The following LEMD1 variants were observed in gnomAD, a reference collection of about 807,000 sequenced individuals.
The protein encoded by LEMD1 is LEM domain-containing protein 1.
Under a neutral mutation model 17.4 loss-of-function variants are expected in LEMD1, and 18 were observed. That is an observed-to-expected ratio of 1.04 (90% CI 0.72 to 1.54). The LOEUF is 1.54. LEMD1 is among the 40% of genes most tolerant of loss of function. The pLI is 0.00. For synonymous variants in LEMD1, 88 were observed against 77.8 expected (o/e 1.13, Z -0.69); for missense variants, 195 against 210.4 (o/e 0.93, Z 0.45).
intron 4 of LEMD1, among the ~76,000 whole-genome samples, chr1:205,391,924 G>T (rs534879520): frequency 6.7e-6 from 1 of 149,460 alleles, no homozygotes; most frequent in African/African-American, 2.5e-5. Flanking sequence ...CCTGGCCAAC[G>T]TGGTGAAACC....
chr1:205,429,162 C>T (rs1666094561), intron 1 of LEMD1, among the ~76,000 whole-genome samples: 2 of 152,232 alleles, frequency 1.3e-5, no homozygotes, highest in African/African-American at 2.4e-5. Flanking sequence ...AACCCACCTC[C>T]ATCTCCAATG....
Position 205,405,521 on chromosome 1 carries a change from A to G in LEMD1, c.270+10711T>C, listed in dbSNP as rs9729427. 2.3e-5 allele frequency among the ~76,000 whole-genome samples: 3 copies of G among 128,596 alleles called. 1 individual carries two copies. The highest frequency in any genetic ancestry group is 9.3e-5 in the African/African-American group (3 of 32,358). The allele number at this position is 128,596 out of a possible 152,430, so 84.4% of individuals were successfully genotyped here. Reference sequence around the variant, plus strand: ...GCTCCTGAGGCTTCTGCATTCTTCAAGTAGTTCTTGAGCCTTGGCTTTCAG... The same window carrying G: ...GCTCCTGAGGCTTCTGCATTCTTCAGGTAGTTCTTGAGCCTTGGCTTTCAG... On this transcript the variant is annotated intron_variant, in intron 4 of 5. Coordinates refer to ENST00000367153, the MANE Select transcript of LEMD1 (RefSeq NM_001199050.2).
Position 205,381,789 on chromosome 1 carries a change from C to T in LEMD1, c.415G>A (p.Ala139Thr), listed in dbSNP as rs561732805. ...CAGCTCTCGATAGTCTGGTCTTCCG[C>T]GCAGTAGTCTCTCTCTTTGGTGATA... Reference protein sequence around the residue: ...GTITKERDYCAEDQTIESWRE... With the variant: ...GTITKERDYCTEDQTIESWRE... Residue 139 changes from alanine (A) to threonine (T), a missense_variant, in exon 6 of 6, where the codon GCG becomes ACG. Ala to Thr is a moderately conservative substitution (Grantham distance 58). Coordinates refer to ENST00000367153, the MANE Select transcript of LEMD1 (RefSeq NM_001199050.2). The T allele has an allele frequency of 4.1e-5, 66 of 1,614,164 alleles. 2 individuals are homozygous for T. The South Asian group carries it at 5.6e-4, about 14-fold the overall frequency.
intron 4 of LEMD1, among the ~76,000 whole-genome samples, chr1:205,392,752 T>G (rs1664402162): frequency 6.6e-6 from 1 of 151,814 alleles, no homozygotes; most frequent in African/African-American, 2.4e-5. Flanking sequence ...GTCATCAGAG[T>G]CCCTAAAGGA....
In LEMD1 at chr1:205,410,204, G is replaced by A. The variant is rs186892365; in HGVS notation, c.270+6028C>T. On this transcript the variant is annotated intron_variant, in intron 4 of 5. Coordinates refer to ENST00000367153, the MANE Select transcript of LEMD1 (RefSeq NM_001199050.2). ...CCCAAAGTGCCAATATTACAAGCAT[G>A]AGCCACCACACCTGGCAGAATCCAT... 4.3e-4 allele frequency among the ~76,000 whole-genome samples: 66 copies of A among 152,116 alleles called. 1 individual carries two copies. Among genetic ancestry groups the A allele is most frequent in the Admixed American group, 2.6e-3 (39 of 15,280 alleles).
At chr1:205,421,138 T>C (rs1237826194) in intron 1 of LEMD1, among the ~76,000 whole-genome samples, 3 of 152,142 alleles carry the variant, frequency 2.0e-5, no homozygotes, top group Non-Finnish European at 2.9e-5. Flanking sequence ...AATTGCTGAA[T>C]TGGCATTTGA....
intron 5 of LEMD1, among the ~76,000 whole-genome samples, chr1:205,382,542 C>A (rs1419021117): frequency 6.6e-6 from 1 of 152,114 alleles, no homozygotes; most frequent in Admixed American, 6.5e-5. Flanking sequence ...GGATTACAGG[C>A]GTGAGCCACT....
intron 2 of LEMD1, 142 bp from the exon 3 acceptor site, chr1:205,419,494 C>T: frequency 1.1e-6 from 1 of 910,230 alleles, no homozygotes; most frequent in Non-Finnish European, 1.7e-6. Flanking sequence ...GAGACAGGGT[C>T]TCACTGTGTC....
upstream of LEMD1, among the ~76,000 whole-genome samples, chr1:205,425,582 A>G (rs578052151): frequency 4.6e-5 from 7 of 152,296 alleles, no homozygotes; most frequent in Admixed American, 1.3e-4. Context: ...GCACCCTGCT[A>G]AGGCTGCAGA....
chr1:205,413,923 A>T (rs891901612), intron 4 of LEMD1, among the ~76,000 whole-genome samples: 5 of 152,046 alleles, frequency 3.3e-5, no homozygotes, highest in Non-Finnish European at 7.4e-5. Flanking sequence ...TTTTAAAAGG[A>T]CTCACAGAAG....
rs1664506914 is a variant in LEMD1 at position 205,394,713 on chromosome 1, C to T, written c.271-10349G>A. ...TGATTTATTTATTTTATTTTGAGAC[C>T]CAGTCTCGCTCATGCCTGTAATCTC... On this transcript the variant is annotated intron_variant, in intron 4 of 5. Transcript: ENST00000367153. 2.0e-5 allele frequency among the ~76,000 whole-genome samples: 3 copies of T among 151,846 alleles called. No individual in the cohort carries two copies. In the South Asian group the frequency reaches 6.3e-4, roughly 32 times the overall value.
chr1:205,443,295 G>A (rs766488831), intron 1 of LEMD1, among the ~76,000 whole-genome samples: 29 of 152,102 alleles, frequency 1.9e-4, no homozygotes, highest in Non-Finnish European at 3.7e-4. Flanking sequence ...AGAGTGCATC[G>A]ATCCCCTTTC....
At chr1:205,433,798 A>C (rs1483668353) in intron 1 of LEMD1, among the ~76,000 whole-genome samples, 3 of 152,232 alleles carry the variant, frequency 2.0e-5, no homozygotes, top group Non-Finnish European at 4.4e-5. Context: ...AGAGGCAGCC[A>C]GCCCTCTCAG....
intron 4 of LEMD1, chr1:205,386,960 A>T (rs1664061912): frequency 6.6e-6 from 1 of 152,218 alleles, no homozygotes; most frequent in African/African-American, 2.4e-5. Context: ...CAGTATCATG[A>T]ACCTCTACAT....
intron 4 of LEMD1, among the ~76,000 whole-genome samples, chr1:205,400,148 A>C (rs1664771017): frequency 6.6e-6 from 1 of 152,198 alleles, no homozygotes; most frequent in African/African-American, 2.4e-5. Flanking sequence ...TGCAGCCTCA[A>C]TCTCCCAGGC....
Position 205,381,569 on chromosome 1 carries a change from G to T in LEMD1, c.*89C>A. 8.0e-7 allele frequency: 1 copy of T among 1,251,048 alleles called. No homozygotes were observed. Among genetic ancestry groups the T allele is most frequent in the Non-Finnish European group, 1.2e-6 (1 of 854,400 alleles). 77.5% of individuals were successfully genotyped at this position (1,251,048 alleles called of 1,614,324 possible). A position where few individuals can be genotyped will look rare whatever the true frequency, so the allele number is the denominator to read the frequency against. On this transcript the variant is annotated 3_prime_UTR_variant, in exon 6 of 6. Transcript: ENST00000367153. ...GGAAGGCTCCCTGCAAGGGAGGGCT[G>T]CAGGCTAGGCTGGCCCTTCAGGGTA...
chr1:205,399,212 C>CT (rs1553393339), intron 4 of LEMD1, among the ~76,000 whole-genome samples: 1 of 121,202 alleles, frequency 8.3e-6, no homozygotes, highest in Non-Finnish European at 1.8e-5. Flanking sequence ...GAGACTCCAT[C>CT]TAAAAAAAAA....
At chr1:205,418,734 T>G (rs1428673262) in intron 3 of LEMD1, among the ~76,000 whole-genome samples, 2 of 152,214 alleles carry the variant, frequency 1.3e-5, no homozygotes, top group Non-Finnish European at 2.9e-5. Context: ...CAGGCTGGTC[T>G]CGAATTCCTG....
chr1:205,399,614 T>C (rs1411666808), intron 4 of LEMD1, among the ~76,000 whole-genome samples: 10 of 152,184 alleles, frequency 6.6e-5, no homozygotes, highest in African/African-American at 2.4e-4. Context: ...GTCTGAAACA[T>C]CTTTTGTGCC....
Sources: allele counts gnomAD v4.1 joint callset (sites outside exome capture counted in the v4.1 genomes callset), GRCh38; gene constraint gnomAD v4.1.1; transcripts MANE v1.5; gene names NCBI Gene and HGNC (gene_info 2026-07-23, HGNC 2026-07-21).